The following RASEF variants were observed in gnomAD, a reference collection of about 807,000 sequenced individuals.
The protein encoded by RASEF is ras and EF-hand domain-containing protein.
RASEF carries 68 observed loss-of-function variants against 90.1 expected under a neutral mutation model. The ratio of observed to expected loss-of-function variants is 0.75; its 90% CI spans 0.62 to 0.92. RASEF has a LOEUF of 0.92. Ranked by LOEUF, RASEF falls within the 40% of genes least tolerant of loss-of-function variation. The probability of loss-of-function intolerance (pLI) is 0.00; values close to 1 mark genes in which losing one functional copy is unlikely to be tolerated. For synonymous variants in RASEF, 331 were observed against 345.2 expected (o/e 0.96, Z 0.46); for missense variants, 949 against 937.2 (o/e 1.01, Z -0.16).
At chr9:83,101,894 C>T in the RASEF span, among the ~76,000 whole-genome samples, 14 of 152,116 alleles carry the variant, frequency 9.2e-5, no homozygotes, top group Admixed American at 3.3e-4. Context: ...TCATGGCCAA[C>T]GGCACTATAG....
the RASEF span, among the ~76,000 whole-genome samples, chr9:83,154,303 G>A: frequency 6.6e-6 from 1 of 152,294 alleles, no homozygotes; most frequent in South Asian, 2.1e-4. Context: ...CAAATTGACT[G>A]GCTGGCACCC....
intron 1 of RASEF, among the ~76,000 whole-genome samples, chr9:83,032,635 T>C (rs1829668106): frequency 6.6e-6 from 1 of 152,228 alleles, no homozygotes; most frequent in East Asian, 1.9e-4. Flanking sequence ...AATTATATGA[T>C]GATTTGTATG....
chr9:83,086,147 T>C, the RASEF span, among the ~76,000 whole-genome samples: 1 of 152,182 alleles, frequency 6.6e-6, no homozygotes, highest in Admixed American at 6.5e-5. Flanking sequence ...CAAAATGTGC[T>C]AGGTGTTATG....
At chr9:83,066,356 A>G (rs760904159), upstream of RASEF, among the ~76,000 whole-genome samples, 17 of 152,186 alleles carry the variant, frequency 1.1e-4, no homozygotes, top group Non-Finnish European at 2.1e-4. Context: ...TCATAAATAC[A>G]TCACTTAGTG....
the RASEF span, among the ~76,000 whole-genome samples, chr9:83,140,657 AT>A: frequency 6.6e-6 from 1 of 152,228 alleles, no homozygotes; most frequent in Non-Finnish European, 1.5e-5. Context: ...AATCAGGAAA[AT>A]TATATAAATA....
intron 1 of RASEF, chr9:83,055,227 G>T: frequency 4.0e-6 from 1 of 251,670 alleles, no homozygotes; most frequent in Non-Finnish European, 7.8e-6. Context: ...TCTGAGCCAG[G>T]TGTGGGATAT....
the RASEF span, among the ~76,000 whole-genome samples, chr9:83,148,982 C>A: frequency 6.6e-6 from 1 of 152,350 alleles, no homozygotes; most frequent in African/African-American, 2.4e-5. Flanking sequence ...TGGCTGGCCC[C>A]ACGGCAGCAA....
intron 1 of RASEF, among the ~76,000 whole-genome samples, chr9:83,031,781 G>T (rs1829652318): frequency 6.6e-6 from 1 of 152,176 alleles, no homozygotes; most frequent in Non-Finnish European, 1.5e-5. Context: ...AGATAAAAAT[G>T]AGATAACCTT....
the RASEF span, among the ~76,000 whole-genome samples, chr9:83,159,683 A>G: frequency 6.6e-6 from 1 of 152,232 alleles, no homozygotes; most frequent in African/African-American, 2.4e-5. Context: ...AATTTGCACC[A>G]TTTATATTTG....
Position 82,979,793 on chromosome 9 carries a change from A to T in RASEF, c.*2884T>A, listed in dbSNP as rs1564065132. The T allele has an allele frequency of 6.6e-6, 1 of 152,236 alleles. No individual in the cohort carries two copies. The highest frequency in any genetic ancestry group is 2.1e-4 in the South Asian group (1 of 4,832). 9.4% of individuals were successfully genotyped at this position (152,236 alleles called of 1,614,324 possible). A position where few individuals can be genotyped will look rare whatever the true frequency, so the allele number is the denominator to read the frequency against. Reference sequence around the variant, plus strand: ...CATAAAACAATTATTCAATACTCAGAGGCCTACTTAATATATACATATGAA... The same window carrying T: ...CATAAAACAATTATTCAATACTCAGTGGCCTACTTAATATATACATATGAA... On this transcript the variant is annotated 3_prime_UTR_variant, in exon 17 of 17. Transcript: ENST00000376447.
chr9:83,155,655 T>C, the RASEF span, among the ~76,000 whole-genome samples: 3 of 152,200 alleles, frequency 2.0e-5, no homozygotes, highest in Non-Finnish European at 4.4e-5. Flanking sequence ...TACACTTCCT[T>C]CAGACTTCAA....
chr9:83,021,203 C>T (rs538484244), intron 3 of RASEF, among the ~76,000 whole-genome samples: 1 of 152,290 alleles, frequency 6.6e-6, no homozygotes, highest in East Asian at 1.9e-4. Context: ...TCATGTCTAA[C>T]CCCTGTGAAG....
the RASEF span, among the ~76,000 whole-genome samples, chr9:83,183,824 A>C: frequency 6.6e-6 from 1 of 152,224 alleles, no homozygotes; most frequent in Non-Finnish European, 1.5e-5. Context: ...ACTGTTAGCA[A>C]TTAGAGAACA....
the RASEF span, among the ~76,000 whole-genome samples, chr9:83,079,942 C>G: frequency 6.6e-6 from 1 of 152,010 alleles, no homozygotes; most frequent in Non-Finnish European, 1.5e-5. Flanking sequence ...AAAGATCCCA[C>G]CAACCTTAAC....
At chr9:83,095,471 G>A in the RASEF span, among the ~76,000 whole-genome samples, 1 of 148,798 alleles carries the variant, frequency 6.7e-6, no homozygotes, top group Non-Finnish European at 1.5e-5. Context: ...GTTGCCCCAA[G>A]GGATCTAGTA....
At chr9:83,129,036 T>C in the RASEF span, among the ~76,000 whole-genome samples, 22 of 152,348 alleles carry the variant, frequency 1.4e-4, no homozygotes, top group East Asian at 4.0e-3. Flanking sequence ...CAGTTATCTT[T>C]AAACAAAAAC....
chr9:82,987,832 C>A (rs1828735949), intron 16 of RASEF, among the ~76,000 whole-genome samples: 1 of 152,148 alleles, frequency 6.6e-6, no homozygotes, highest in African/African-American at 2.4e-5. Context: ...AAAAGAAATA[C>A]AGGGACTTGT....
At chr9:83,057,866 TA>T (rs1830129352) in intron 1 of RASEF, among the ~76,000 whole-genome samples, 1 of 146,884 alleles carries the variant, frequency 6.8e-6, no homozygotes, top group South Asian at 2.1e-4. Flanking sequence ...TATATATATA[TA>T]TATATTCGTC....
Position 82,982,815 on chromosome 9 carries a change from G to C in RASEF, c.2118-33C>G, listed in dbSNP as rs202217869. 115 of 1,080,210 alleles carry C rather than the reference G, an allele frequency of 1.1e-4. No homozygotes were observed. The African/African-American group carries it at 1.5e-3, about 14-fold the overall frequency. 66.9% of individuals were successfully genotyped at this position (1,080,210 alleles called of 1,614,324 possible). On this transcript the variant is annotated intron_variant, in intron 16 of 16. Coordinates refer to ENST00000376447, the MANE Select transcript of RASEF (RefSeq NM_152573.4). The stretch of plus-strand genomic sequence containing the variant: ...AGAGATAGAGAGAGACAGAGAGAGA[G>C]AGAGAGAGAGAGAGAGAGGATTACT...
Sources: allele counts gnomAD v4.1 joint callset (sites outside exome capture counted in the v4.1 genomes callset), GRCh38; gene constraint gnomAD v4.1.1; transcripts MANE v1.5; gene names NCBI Gene and HGNC (gene_info 2026-07-23, HGNC 2026-07-21).